Variants in CFAP46 observed in about 807,000 individuals in gnomAD.
CFAP46 encodes cilia- and flagella-associated protein 46.
In CFAP46, 245 loss-of-function variants were observed where a neutral mutation model predicts 325.7. The observed-to-expected ratio is 0.75, with a 90% CI of 0.68 to 0.84. The LOEUF (loss-of-function observed/expected upper bound fraction) is 0.84, where lower values mean the gene tolerates loss of function less well. CFAP46 is among the 40% of genes least tolerant of loss of function. The probability of loss-of-function intolerance (pLI) is 0.00; values close to 1 mark genes in which losing one functional copy is unlikely to be tolerated. For synonymous variants in CFAP46, 1,523 were observed against 1,495.9 expected (o/e 1.02, Z -0.42); for missense variants, 3,346 against 3,543.0 (o/e 0.94, Z 1.41).
chr10:132,892,224 G>A (rs1230991750), intron 25 of CFAP46, 109 bp downstream of exon 25: 32 of 951,422 alleles, frequency 3.4e-5, no homozygotes, highest in Non-Finnish European at 4.8e-5. Context: ...ACTGCCAAGT[G>A]GCTTCACGTC....
rs868018372 is a variant in CFAP46 at position 132,879,473 on chromosome 10, C to T, written c.3958G>A (p.Glu1320Lys). 7.1e-6 allele frequency: 11 copies of T among 1,546,124 alleles called. No individual in the cohort carries two copies. Among genetic ancestry groups the T allele is most frequent in the Admixed American group, 2.0e-5 (1 of 50,764 alleles). ...LVLSPGAEGY[E>K]DCCLAAYAFF... ...GCGTAGGCTGCAAGGCAGCAGTCCTCGTAGCCCTCGGCGCCCGGCGACAGC... is the reference window on the plus strand; with the variant it reads ...GCGTAGGCTGCAAGGCAGCAGTCCTTGTAGCCCTCGGCGCCCGGCGACAGC... The change falls in exon 29 of 58, where the codon GAG becomes AAG. Residue 1320 changes from glutamate to lysine, a missense_variant. By Grantham distance (56) the Glu-to-Lys change is moderately conservative. Coordinates refer to ENST00000368586, the MANE Select transcript of CFAP46 (RefSeq NM_001200049.3).
Position 132,811,012 on chromosome 10 carries a change from C to A in CFAP46, c.7521G>T (p.Leu2507=). The change falls in exon 56 of 58, where the codon CTG becomes CTT. Residue 2507 remains leucine, a synonymous_variant. Coordinates refer to ENST00000368586, the MANE Select transcript of CFAP46 (RefSeq NM_001200049.3). ...MNLQECQVAV[L]LDLARSYQSL... ...TCTGGTAGGACCGCGCCAGGTCCAG[C>A]AGGACTGCCACCTGGCACTCTGCCG... 1 of 1,602,584 alleles carries A rather than the reference C, an allele frequency of 6.2e-7. No individual in the cohort carries two copies. The highest frequency in any genetic ancestry group is 8.5e-7 in the Non-Finnish European group (1 of 1,175,042).
chr10:132,890,789 C>A (rs2135437805), intron 25 of CFAP46, among the ~76,000 whole-genome samples: 1 of 152,298 alleles, frequency 6.6e-6, no homozygotes, highest in African/African-American at 2.4e-5. Context: ...ACCAGCAAAC[C>A]ACACACACTG....
In CFAP46 at chr10:132,899,545, C is replaced by T. The variant is rs532522181; in HGVS notation, c.3046G>A (p.Glu1016Lys). 1,340 of 1,548,044 alleles carry T rather than the reference C, an allele frequency of 8.7e-4. 9 individuals are homozygous for T. Among genetic ancestry groups the T allele is most frequent in the African/African-American group, 5.2e-3 (382 of 73,118 alleles). ...LRLVAAKAFT[E>K]SARFGGIAGS... The stretch of plus-strand genomic sequence containing the variant: ...CTTAGAGCCACACACCTGGCGCTCT[C>T]CGTGAAGGCCTTGGCTGCCACCAGT... Residue 1016 changes from glutamate to lysine, a missense_variant, in exon 23 of 58, where the codon GAG (glutamate) becomes AAG (lysine). Transcript: ENST00000368586.
rs1355560488 is a variant in CFAP46, at chr10:132,810,934, C to T, written c.7583+16G>A. ...TCCTCAGCATCCCTGCCCACCCGTTCCAGGCAGCCAGGCACCTCCTGTGCT... is the reference window on the plus strand; with the variant it reads ...TCCTCAGCATCCCTGCCCACCCGTTTCAGGCAGCCAGGCACCTCCTGTGCT... On this transcript the variant is annotated intron_variant, in intron 56 of 57. Coordinates refer to ENST00000368586, the MANE Select transcript of CFAP46 (RefSeq NM_001200049.3). The T allele has an allele frequency of 1.3e-6, 2 of 1,579,354 alleles. No individual in the cohort carries two copies. The highest frequency in any genetic ancestry group is 1.7e-6 in the Non-Finnish European group (2 of 1,161,644).
chr10:132,893,757 C>T (rs979465125), intron 24 of CFAP46, among the ~76,000 whole-genome samples: 1 of 152,248 alleles, frequency 6.6e-6, no homozygotes, highest in Admixed American at 6.5e-5. Flanking sequence ...TGTTCTAAAG[C>T]TCTTTGATAA....
chr10:132,858,409 A>G lies in CFAP46; in HGVS notation c.5376-621T>C, dbSNP rs765319194. ...CTGGGGGTGGCCCCAGGTTGGAGGC[A>G]GGGCGGTGGGCGGGGCCAGGGAGGC... On this transcript the variant is annotated intron_variant, in intron 38 of 57. Transcript: ENST00000368586. 1.1e-3 allele frequency among the ~76,000 whole-genome samples: 114 copies of G among 99,290 alleles called. 2 individuals are homozygous for G. Among genetic ancestry groups the G allele is most frequent in the South Asian group, 4.4e-3 (12 of 2,740 alleles). 65.1% of individuals were successfully genotyped at this position (99,290 alleles called of 152,430 possible).
chr10:132,849,719 G>A (rs571993716), intron 41 of CFAP46, among the ~76,000 whole-genome samples: 56 of 152,306 alleles, frequency 3.7e-4, no homozygotes, highest in Middle Eastern at 6.8e-3. Flanking sequence ...CCTGGGCATG[G>A]AGGCAGCAGC....
In CFAP46 at chr10:132,919,918, C is replaced by T. The variant is rs1849695688; in HGVS notation, c.1730+141G>A. Reference sequence around the variant, plus strand: ...GGGACTCCCAGGCAGGGACCTCGTCCCACCATCCTGGAGCAGGTGGCCTGG... The same window carrying T: ...GGGACTCCCAGGCAGGGACCTCGTCTCACCATCCTGGAGCAGGTGGCCTGG... On this transcript the variant is annotated intron_variant, in intron 14 of 57. Coordinates refer to ENST00000368586, the MANE Select transcript of CFAP46 (RefSeq NM_001200049.3). This position sits in a 1 kb window ranked among gnomAD's most constrained non-coding sequence, Gnocchi z 9.7. 1 of 1,181,002 alleles carries T rather than the reference C, an allele frequency of 8.5e-7. No individual in the cohort carries two copies. Among genetic ancestry groups the T allele is most frequent in the Non-Finnish European group, 1.1e-6 (1 of 884,530 alleles). 73.2% of individuals were successfully genotyped at this position (1,181,002 alleles called of 1,614,324 possible).
chr10:132,858,183 C>T (rs947085858), intron 38 of CFAP46, among the ~76,000 whole-genome samples: 1 of 150,720 alleles, frequency 6.6e-6, no homozygotes, highest in African/African-American at 2.5e-5. Context: ...CACGCCCGCA[C>T]TGGGCCCGCC....
At chr10:132,887,701 CTCTCTCTCTCCGCT>C (rs1849177534) in intron 25 of CFAP46, among the ~76,000 whole-genome samples, 2 of 121,120 alleles carry the variant, frequency 1.7e-5, no homozygotes, top group African/African-American at 7.0e-5. Context: ...CTCTCCTCTC[CTCTCTCTCTCCGCT>C]CCTCTCTCTC....
chr10:132,904,707 T>C (rs1849433230), intron 22 of CFAP46, among the ~76,000 whole-genome samples: 1 of 152,246 alleles, frequency 6.6e-6, no homozygotes, highest in Admixed American at 6.5e-5. Flanking sequence ...AGCAGCACTC[T>C]GCACCCTCAC....
intron 50 of CFAP46, among the ~76,000 whole-genome samples, chr10:132,820,047 C>A (rs1340988060): frequency 3.3e-5 from 5 of 151,956 alleles, no homozygotes; most frequent in Non-Finnish European, 5.9e-5. Context: ...TAGTAAAAAA[C>A]CAAACAACCC....
At chr10:132,861,029 T>C (rs1257006107) in intron 35 of CFAP46, 47 bp from the exon 36 acceptor site, 8 of 1,527,168 alleles carry the variant, frequency 5.2e-6, no homozygotes, top group African/African-American at 1.4e-5. Flanking sequence ...TACAGATGTG[T>C]GCAGGCAGGG....
Position 132,918,473 on chromosome 10 carries a change from G to A in CFAP46, c.1906C>T (p.Gln636Ter). 6.5e-7 allele frequency: 1 copy of A among 1,547,628 alleles called. No homozygotes were observed. The highest frequency in any genetic ancestry group is 2.5e-5 in the East Asian group (1 of 40,772). Residue 636 changes from glutamine to a stop codon, truncating the protein, a stop_gained, in exon 16 of 58, where the codon CAG becomes TAG. Transcript: ENST00000368586. LOFTEE classifies it high-confidence loss of function. ...RDGSVQDTWS[Q>*]PEVVLQRQVC... ...TGCCTCTGCAGGACGACCTCAGGCTGGCTCCAGGTGTCCTGCACCGAGCCG... is the reference window on the plus strand; with the variant it reads ...TGCCTCTGCAGGACGACCTCAGGCTAGCTCCAGGTGTCCTGCACCGAGCCG...
At position 132,877,577 on chromosome 10, in the gene CFAP46, C is replaced by G. The variant is rs1393053575; in HGVS notation, c.4212+304G>C. Among the ~76,000 whole-genome samples the G allele has an allele frequency of 6.6e-6, 1 of 152,218 alleles. No homozygotes were observed. The highest frequency in any genetic ancestry group is 2.4e-5 in the African/African-American group (1 of 41,452). ...GTGCATTACGTGGCTAGCTCCAGGC[C>G]CGGGATTCCTGCCAGGGACAAGCCA... On this transcript the variant is annotated intron_variant, in intron 30 of 57. Transcript: ENST00000368586. The surrounding 1 kb of genome is among the most constrained non-coding windows in gnomAD (Gnocchi z 5.7).
chr10:132,861,003 C>T, intron 35 of CFAP46, 21 bp from the exon 36 acceptor site: 3 of 1,549,884 alleles, frequency 1.9e-6, no homozygotes, highest in Non-Finnish European at 2.6e-6. Flanking sequence ...GAAACTCAGA[C>T]ATGCTTGGGT....
intron 25 of CFAP46, among the ~76,000 whole-genome samples, chr10:132,887,352 CCTCCCCTCTTCTTTCCT>C (rs1399769784): frequency 5.5e-5 from 4 of 72,084 alleles, no homozygotes; most frequent in South Asian, 5.9e-4. Flanking sequence ...CCTCTCCTCT[CCTCCCCTCTTCTTTCCT>C]CTCCCCTCTT....
Position 132,876,673 on chromosome 10 carries a change from G to T in CFAP46, c.4362+139C>A. On this transcript the variant is annotated intron_variant, in intron 31 of 57. Coordinates refer to ENST00000368586, the MANE Select transcript of CFAP46 (RefSeq NM_001200049.3). This position sits in a 1 kb window ranked among gnomAD's most constrained non-coding sequence, Gnocchi z 4.1. ...GACAGTGGTGCTGGGAGGGCCTGTG[G>T]GAGGCTGGGGGCTGATGGGACTCTG... The T allele has an allele frequency of 4.7e-6, 4 of 849,700 alleles. No individual in the cohort carries two copies. The highest frequency in any genetic ancestry group is 7.1e-6 in the Non-Finnish European group (4 of 563,474). The allele number at this position is 849,700 out of a possible 1,614,324, so 52.6% of individuals were successfully genotyped here.
Sources: allele counts gnomAD v4.1 joint callset (sites outside exome capture counted in the v4.1 genomes callset), GRCh38; gene constraint gnomAD v4.1.1; non-coding constraint Gnocchi (gnomAD v3.1); transcripts MANE v1.5; gene names NCBI Gene and HGNC (gene_info 2026-07-23, HGNC 2026-07-21).